COL4A5: variants seen among roughly 807,000 people sequenced by gnomAD.
COL4A5 encodes collagen type IV alpha 5 chain, also known as collagen alpha-5(IV) chain.
COL4A5 carries 26 observed loss-of-function variants against 130.2 expected under a neutral mutation model. The observed-to-expected ratio is 0.20, with a 90% CI of 0.15 to 0.28. COL4A5 has a LOEUF of 0.28. COL4A5 is among the 10% of genes least tolerant of loss of function. COL4A5 has a pLI of 1.00. For missense variants in COL4A5, 1,131 were observed against 1,344.3 expected (o/e 0.84, Z 2.48); for synonymous variants, 496 against 439.6 (o/e 1.13, Z -1.60).
intron 4 of COL4A5, among the ~76,000 whole-genome samples, chrX:108,565,424 A>G (rs1224317111): frequency 8.9e-6 from 1 of 112,088 alleles, no homozygotes; most frequent in African/African-American, 3.2e-5. Flanking sequence ...GAAGTATTTT[A>G]AAGTAAATCC....
At chrX:108,624,400 T>G (rs2067113156) in intron 34 of COL4A5, 66 bp downstream of exon 34, 1 of 820,435 alleles carries the variant, frequency 1.2e-6, no homozygotes, top group Admixed American at 2.6e-5. Flanking sequence ...AATAATTATG[T>G]GTTTGTCATG....
chrX:108,595,402 C>A, intron 21 of COL4A5, 107 bp from the exon 22 acceptor site: 1 of 654,885 alleles, frequency 1.5e-6, no homozygotes, highest in East Asian at 3.3e-5. Context: ...CCAATCACAC[C>A]ATTAAGTGGA....
At chrX:108,634,364 C>T (rs985274399) in intron 36 of COL4A5, among the ~76,000 whole-genome samples, 9 of 111,396 alleles carry the variant, frequency 8.1e-5, no homozygotes, top group African/African-American at 2.6e-4. Flanking sequence ...TTAGTGAAGG[C>T]AAACTTATCA....
chrX:108,694,979 T>C, intron 51 of COL4A5, 58 bp downstream of exon 51: 1 of 912,935 alleles, frequency 1.1e-6, no homozygotes. Flanking sequence ...TCCATCTACA[T>C]TTCTTCCCAA....
intron 2 of COL4A5, among the ~76,000 whole-genome samples, chrX:108,552,744 A>G (rs923200531): frequency 8.9e-6 from 1 of 111,999 alleles, no homozygotes; most frequent in Non-Finnish European, 1.9e-5. Context: ...TGCAACTCCA[A>G]TCAAAATTCT....
chrX:108,613,569 C>T (rs113225553), intron 29 of COL4A5, among the ~76,000 whole-genome samples: 1 of 111,673 alleles, frequency 9.0e-6, no homozygotes, highest in Non-Finnish European at 1.9e-5. Context: ...TCTCAAAACT[C>T]AATAAGAAAA....
At chrX:108,667,246 C>G (rs746888914) in intron 40 of COL4A5, 63 bp downstream of exon 40, 15 of 1,034,847 alleles carry the variant, frequency 1.4e-5, no homozygotes, top group Non-Finnish European at 2.0e-5. Context: ...CCAAATACAT[C>G]TATTTTTCCA....
intron 1 of COL4A5, among the ~76,000 whole-genome samples, chrX:108,451,951 G>C (rs1327766500): frequency 8.9e-6 from 1 of 111,757 alleles, no homozygotes; most frequent in Non-Finnish European, 1.9e-5. Context: ...GGTTTTTATG[G>C]TTTTAGGTCT....
rs772227013 is a variant in COL4A5, at chrX:108,606,835, C to G, written c.2338C>G (p.Pro780Ala). 11 of 1,209,385 alleles carry G rather than the reference C, an allele frequency of 9.1e-6. No homozygotes were observed. The East Asian group carries it at 3.0e-4, about 33-fold the overall frequency. Residue 780 changes from proline to alanine, a missense_variant, in exon 29 of 53, where the codon CCA becomes GCA. Physicochemically the swap from Pro to Ala is conservative, Grantham distance 27. Coordinates refer to ENST00000328300, the MANE Select transcript of COL4A5 (RefSeq NM_033380.3). ...ALGPKGDRGF[P>A]GPPGPPGRTG... ...TGGTCCAAAAGGTGATCGTGGTTTCCCAGGACCTCCGGGTCCTCCAGGACG... is the reference window on the plus strand; with the variant it reads ...TGGTCCAAAAGGTGATCGTGGTTTCGCAGGACCTCCGGGTCCTCCAGGACG...
chrX:108,571,943 T>A, intron 8 of COL4A5, 106 bp downstream of exon 8: 1 of 663,681 alleles, frequency 1.5e-6, no homozygotes, highest in Non-Finnish European at 2.5e-6. Context: ...TCGATGTTTC[T>A]AGAAGTTGTG....
intron 1 of COL4A5, among the ~76,000 whole-genome samples, chrX:108,515,014 A>T (rs755800442): frequency 8.9e-6 from 1 of 112,057 alleles, no homozygotes; most frequent in Non-Finnish European, 1.9e-5. Context: ...TGTGTATAAG[A>T]TAGATTTATG....
chrX:108,619,067 A>T (rs772315472), intron 30 of COL4A5, among the ~76,000 whole-genome samples: 1 of 111,505 alleles, frequency 9.0e-6, no homozygotes, highest in Admixed American at 9.6e-5. Flanking sequence ...GTTAGGCATC[A>T]TATCATCTTT....
intron 45 of COL4A5, 66 bp downstream of exon 45, chrX:108,680,817 C>T: frequency 3.4e-6 from 4 of 1,183,858 alleles, no homozygotes; most frequent in Non-Finnish European, 3.4e-6. Flanking sequence ...TAGCCATTTT[C>T]TGATTTGACT....
chrX:108,542,059 G>A (rs1021803239), intron 2 of COL4A5, among the ~76,000 whole-genome samples: 3 of 111,778 alleles, frequency 2.7e-5, no homozygotes, highest in Non-Finnish European at 3.8e-5. Context: ...CTCATGATGC[G>A]TGACCAAATA....
chrX:108,631,263 G>A (rs1409679600), intron 36 of COL4A5, among the ~76,000 whole-genome samples: 5 of 111,585 alleles, frequency 4.5e-5, no homozygotes, highest in East Asian at 2.8e-4. Flanking sequence ...CCATTTTCAC[G>A]ATATTGATTC....
chrX:108,527,349 A>G (rs1054651562), intron 1 of COL4A5, among the ~76,000 whole-genome samples: 1 of 111,617 alleles, frequency 9.0e-6, no homozygotes, highest in Non-Finnish European at 1.9e-5. Flanking sequence ...TCTAGGTTGT[A>G]TATGTATCAA....
intron 28 of COL4A5, 96 bp from the exon 29 acceptor site, chrX:108,606,646 T>C: frequency 5.3e-6 from 5 of 945,963 alleles, no homozygotes; most frequent in Non-Finnish European, 7.6e-6. Context: ...GGAAAAGTAT[T>C]GTCTTGTATT....
intron 40 of COL4A5, among the ~76,000 whole-genome samples, chrX:108,668,107 C>T (rs764660571): frequency 9.0e-6 from 1 of 111,454 alleles, no homozygotes; most frequent in African/African-American, 3.3e-5. Flanking sequence ...ATTATTTCTA[C>T]ATTTCTATAT....
intron 1 of COL4A5, among the ~76,000 whole-genome samples, chrX:108,443,337 T>C (rs2064420494): frequency 8.9e-6 from 1 of 112,205 alleles, no homozygotes; most frequent in Non-Finnish European, 1.9e-5. Flanking sequence ...ATAACTACTA[T>C]AATTTGTGAC....
Sources: allele counts gnomAD v4.1 joint callset (sites outside exome capture counted in the v4.1 genomes callset), GRCh38; gene constraint gnomAD v4.1.1; transcripts MANE v1.5; gene names NCBI Gene and HGNC (gene_info 2026-07-23, HGNC 2026-07-21).